The following ACSS3 variants were observed in gnomAD, a reference collection of about 807,000 sequenced individuals.
The protein encoded by ACSS3 is acyl-CoA synthetase short chain family member 3.
Under a neutral mutation model 84.2 loss-of-function variants are expected in ACSS3, and 64 were observed. That is an observed-to-expected ratio of 0.76 (90% confidence interval 0.62 to 0.94). ACSS3 has a LOEUF of 0.94. ACSS3 is among the 40% of genes least tolerant of loss of function. The probability of loss-of-function intolerance (pLI) is 0.00; values close to 1 mark genes in which losing one functional copy is unlikely to be tolerated. For missense variants in ACSS3, 815 were observed against 867.6 expected (o/e 0.94, Z 0.76); for synonymous variants, 317 against 310.1 (o/e 1.02, Z -0.23).
intron 1 of ACSS3, among the ~76,000 whole-genome samples, chr12:81,097,304 A>G (rs1389750618): frequency 6.6e-6 from 1 of 152,220 alleles, no homozygotes; most frequent in East Asian, 1.9e-4. Flanking sequence ...CTGCTGTTGT[A>G]GAGCAAGAAC....
intron 7 of ACSS3, among the ~76,000 whole-genome samples, chr12:81,173,526 A>AGTG (rs908057629): frequency 3.5e-5 from 5 of 144,860 alleles, no homozygotes; most frequent in African/African-American, 1.4e-4. Context: ...ATAAAAAAAT[A>AGTG]GTGTCCTATC....
At chr12:81,241,092 T>A (rs1266640698) in intron 13 of ACSS3, among the ~76,000 whole-genome samples, 1 of 151,016 alleles carries the variant, frequency 6.6e-6, no homozygotes, top group African/African-American at 2.4e-5. Flanking sequence ...GGTGTTTGGT[T>A]TTTTGTTCTT....
chr12:81,127,899 A>G (rs947201841), intron 2 of ACSS3, among the ~76,000 whole-genome samples: 3 of 152,142 alleles, frequency 2.0e-5, no homozygotes, highest in South Asian at 4.1e-4. Context: ...ACTAATCTTT[A>G]TATTTGAGCT....
intron 2 of ACSS3, among the ~76,000 whole-genome samples, chr12:81,125,085 G>A (rs1884972508): frequency 6.6e-6 from 1 of 152,114 alleles, no homozygotes; most frequent in Non-Finnish European, 1.5e-5. Flanking sequence ...GTGGTGGTGG[G>A]CGCCTGTAGT....
chr12:81,202,154 A>C (rs2032139541), intron 9 of ACSS3, among the ~76,000 whole-genome samples: 2 of 151,852 alleles, frequency 1.3e-5, no homozygotes, highest in Admixed American at 1.3e-4. Flanking sequence ...TAGTGGGTGC[A>C]TGTAATCCCA....
chr12:81,094,675 A>T (rs1266807247), intron 1 of ACSS3: 2 of 152,200 alleles, frequency 1.3e-5, no homozygotes, highest in African/African-American at 4.8e-5. Context: ...GGGAGCCTCG[A>T]CTGTAGAGGA....
intron 13 of ACSS3, among the ~76,000 whole-genome samples, chr12:81,235,727 T>A (rs1356753349): frequency 6.6e-6 from 1 of 151,486 alleles, no homozygotes; most frequent in African/African-American, 2.4e-5. Context: ...AGTATTTAAT[T>A]TTTTAGCTAT....
In ACSS3 at chr12:81,255,623, G is replaced by A. The variant is rs1013397379; in HGVS notation, c.*701G>A. 2.0e-5 allele frequency: 3 copies of A among 151,854 alleles called. No individual in the cohort carries two copies. Among genetic ancestry groups the A allele is most frequent in the African/African-American group, 7.3e-5 (3 of 41,310 alleles). The allele number at this position is 151,854 out of a possible 1,614,324, so 9.4% of individuals were successfully genotyped here. On this transcript the variant is annotated 3_prime_UTR_variant, in exon 16 of 16. Transcript: ENST00000548058. ...TCACTTGAGGTCAGCAGTTTGAGAC[G>A]AGCCTGGCCAACATGGTGAAACCCT...
chr12:81,146,813 G>T (rs1205697998), intron 5 of ACSS3, among the ~76,000 whole-genome samples: 1 of 152,020 alleles, frequency 6.6e-6, no homozygotes, highest in Non-Finnish European at 1.5e-5. Flanking sequence ...GAGATTTAGT[G>T]ATTATAATAT....
intron 8 of ACSS3, among the ~76,000 whole-genome samples, chr12:81,176,449 C>T (rs2030485138): frequency 1.3e-5 from 2 of 151,978 alleles, no homozygotes; most frequent in South Asian, 4.2e-4. Context: ...TGGGCCTGAC[C>T]TGTAGTCCCA....
intron 1 of ACSS3, among the ~76,000 whole-genome samples, chr12:81,083,248 G>A (rs1383450349): frequency 6.6e-6 from 1 of 152,164 alleles, no homozygotes; most frequent in African/African-American, 2.4e-5. Flanking sequence ...AGGGCTGAAA[G>A]CCTGCAGGTA....
chr12:81,251,975 C>T (rs1192938139), intron 13 of ACSS3, among the ~76,000 whole-genome samples: 1 of 152,154 alleles, frequency 6.6e-6, no homozygotes, highest in Non-Finnish European at 1.5e-5. Context: ...GTTCCTAGCA[C>T]AATACCTATC....
intron 8 of ACSS3, among the ~76,000 whole-genome samples, chr12:81,187,989 A>G (rs1031805070): frequency 2.0e-5 from 3 of 152,014 alleles, no homozygotes; most frequent in African/African-American, 7.2e-5. Flanking sequence ...GAAGGATGAC[A>G]TTATTGCTAA....
At chr12:81,198,779 G>A (rs942817000) in intron 8 of ACSS3, among the ~76,000 whole-genome samples, 4 of 151,940 alleles carry the variant, frequency 2.6e-5, no homozygotes, top group African/African-American at 9.7e-5. Context: ...GACTTCCAAG[G>A]CCACAGTGGC....
rs57506230 is a variant in ACSS3, at chr12:81,107,484, GT to G, written c.312-2066del. Among the ~76,000 whole-genome samples, 341 of 81,258 alleles carry G rather than the reference GT, an allele frequency of 4.2e-3. 13 individuals are homozygous for G. Among genetic ancestry groups the G allele is most frequent in the Admixed American group, 0.04 (246 of 6,192 alleles). The allele number at this position is 81,258 out of a possible 152,430, so 53.3% of individuals were successfully genotyped here. On this transcript the variant is annotated intron_variant, in intron 1 of 15. Transcript: ENST00000548058. ...AGTAAATAGTTTCCCTGCCAGAAAT[GT>G]TTTTTTTTTCAGGTACAAATATATA...
At chr12:81,166,358 G>A (rs528676520) in intron 7 of ACSS3, among the ~76,000 whole-genome samples, 5 of 152,168 alleles carry the variant, frequency 3.3e-5, no homozygotes, top group African/African-American at 1.2e-4. Context: ...TGGTGGAGAG[G>A]GAAGCAATAC....
intron 5 of ACSS3, among the ~76,000 whole-genome samples, chr12:81,151,271 A>C (rs1565692914): frequency 6.6e-6 from 1 of 152,148 alleles, no homozygotes; most frequent in Non-Finnish European, 1.5e-5. Flanking sequence ...GATTCAACTC[A>C]CTGGAATTCA....
At chr12:81,182,535 T>C (rs1434895764) in intron 8 of ACSS3, among the ~76,000 whole-genome samples, 1 of 152,178 alleles carries the variant, frequency 6.6e-6, no homozygotes, top group Non-Finnish European at 1.5e-5. Context: ...AATTCATTAA[T>C]AATAGCCAAT....
intron 8 of ACSS3, among the ~76,000 whole-genome samples, chr12:81,194,626 A>G (rs1451527731): frequency 6.6e-6 from 1 of 151,990 alleles, no homozygotes; most frequent in Non-Finnish European, 1.5e-5. Flanking sequence ...CTTTCAATTT[A>G]TTAGTGCCAG....
Sources: gnomAD v4.1 joint callset for allele counts (sites outside exome capture counted in the v4.1 genomes callset) on GRCh38, gnomAD v4.1.1 for gene constraint, MANE v1.5 for transcripts, NCBI Gene and HGNC (gene_info 2026-07-23, HGNC 2026-07-21) for gene names.